The following MANBA variants were observed in gnomAD, a reference collection of about 807,000 sequenced individuals.
MANBA encodes the protein beta-mannosidase.
MANBA carries 83 observed loss-of-function variants against 111.1 expected under a neutral mutation model. The observed-to-expected ratio is 0.75, with a 90% CI of 0.63 to 0.90. MANBA has a LOEUF of 0.90. Ranked by LOEUF, MANBA falls within the 40% of genes least tolerant of loss-of-function variation. The pLI is 0.00. For missense variants in MANBA, 1,036 were observed against 1,069.0 expected (o/e 0.97, Z 0.43); for synonymous variants, 370 against 378.7 (o/e 0.98, Z 0.27).
At chr4:102,719,465 G>A (rs1273143065) in intron 4 of MANBA, among the ~76,000 whole-genome samples, 1 of 152,124 alleles carries the variant, frequency 6.6e-6, no homozygotes, top group Non-Finnish European at 1.5e-5. Flanking sequence ...AAACACACAT[G>A]TTCTACAATC....
chr4:102,679,826 A>G (rs1731881267), intron 7 of MANBA: 1 of 152,182 alleles, frequency 6.6e-6, no homozygotes, highest in Non-Finnish European at 1.5e-5. Flanking sequence ...AGAGATTCAT[A>G]ATAATCCCAC....
chr4:102,640,001 G>C lies in MANBA; in HGVS notation c.1870-144C>G. 4.8e-6 allele frequency: 4 copies of C among 831,286 alleles called. No individual in the cohort carries two copies. The South Asian group carries it at 5.8e-5, about 12-fold the overall frequency. 51.5% of individuals were successfully genotyped at this position (831,286 alleles called of 1,614,324 possible). A position where few individuals can be genotyped will look rare whatever the true frequency, so the allele number is the denominator to read the frequency against. On this transcript the variant is annotated intron_variant, in intron 13 of 16. Coordinates refer to ENST00000647097, the MANE Select transcript of MANBA (RefSeq NM_005908.4). ...AAATTAGGGAATTTAATTAGTATTA[G>C]GAATACATTATACTAGATCTGTAAC...
intron 1 of MANBA, among the ~76,000 whole-genome samples, chr4:102,738,391 T>C (rs1182499925): frequency 1.3e-5 from 2 of 152,200 alleles, no homozygotes; most frequent in Non-Finnish European, 2.9e-5. Context: ...CTGGTATCCA[T>C]GGCTAGGAGA....
chr4:102,719,694 T>C (rs1299330241), intron 4 of MANBA, among the ~76,000 whole-genome samples: 1 of 152,232 alleles, frequency 6.6e-6, no homozygotes, highest in Non-Finnish European at 1.5e-5. Flanking sequence ...TGCATTTACA[T>C]TGTTATTTCA....
intron 7 of MANBA, among the ~76,000 whole-genome samples, chr4:102,675,590 A>T (rs1248176337): frequency 6.6e-6 from 1 of 152,234 alleles, no homozygotes; most frequent in Non-Finnish European, 1.5e-5. Flanking sequence ...AGTAGGTACT[A>T]CTTATTCCTT....
intron 1 of MANBA, among the ~76,000 whole-genome samples, chr4:102,756,154 A>G (rs1293717823): frequency 6.6e-6 from 1 of 152,206 alleles, no homozygotes; most frequent in Non-Finnish European, 1.5e-5. Context: ...AAATCATGCT[A>G]CTATAAAGAC....
chr4:102,670,154 C>CAAAA (rs70937560), intron 9 of MANBA, among the ~76,000 whole-genome samples: 1,473 of 107,758 alleles, frequency 0.014, 77 homozygotes, highest in African/African-American at 0.057. Flanking sequence ...GACTCCATAT[C>CAAAA]AAAAAAAAAA....
intron 10 of MANBA, 195 bp downstream of exon 10, chr4:102,668,768 C>A: frequency 1.7e-6 from 1 of 573,128 alleles, no homozygotes; most frequent in South Asian, 1.9e-5. Context: ...GGGGATAAAT[C>A]TGGGAGTCAT....
intron 1 of MANBA, among the ~76,000 whole-genome samples, chr4:102,755,717 A>C (rs1723984806): frequency 6.6e-6 from 1 of 152,264 alleles, no homozygotes; most frequent in African/African-American, 2.4e-5. Context: ...TTTACAATCT[A>C]TCCATCTGAC....
chr4:102,713,653 G>A (rs1201241729), intron 5 of MANBA, among the ~76,000 whole-genome samples: 3 of 152,128 alleles, frequency 2.0e-5, no homozygotes, highest in Admixed American at 6.5e-5. Flanking sequence ...TGTAATCCCA[G>A]CACTTTGGGA....
intron 1 of MANBA, among the ~76,000 whole-genome samples, chr4:102,742,562 A>G (rs1475950162): frequency 1.3e-5 from 2 of 152,206 alleles, no homozygotes; most frequent in Non-Finnish European, 2.9e-5. Flanking sequence ...CAGCTGCTTC[A>G]GGATGATAAG....
intron 8 of MANBA, chr4:102,672,107 G>A (rs973905382): frequency 1.8e-5 from 7 of 398,480 alleles, no homozygotes; most frequent in African/African-American, 1.2e-4. Context: ...CAATTATCCC[G>A]TGGCTGTGTC....
chr4:102,680,169 T>A (rs1731899576), intron 7 of MANBA, among the ~76,000 whole-genome samples: 1 of 152,218 alleles, frequency 6.6e-6, no homozygotes, highest in Non-Finnish European at 1.5e-5. Context: ...TCTATGTAAA[T>A]GTTGATTTCC....
chr4:102,727,331 A>G (rs1722848913), intron 1 of MANBA: 2 of 676,166 alleles, frequency 3.0e-6, no homozygotes, highest in East Asian at 2.6e-5. Context: ...TATAGTTCTC[A>G]GTTTTCCATT....
intron 7 of MANBA, among the ~76,000 whole-genome samples, chr4:102,683,738 T>A (rs952648685): frequency 2.0e-5 from 3 of 152,162 alleles, no homozygotes; most frequent in Non-Finnish European, 4.4e-5. Flanking sequence ...TAAAGCTAAC[T>A]CTCCCAGACT....
chr4:102,643,248 TG>T (rs1729959257), intron 13 of MANBA, among the ~76,000 whole-genome samples: 2 of 152,232 alleles, frequency 1.3e-5, no homozygotes, highest in Admixed American at 6.5e-5. Context: ...TTTTTATTTC[TG>T]AATAATATTT....
intron 1 of MANBA, among the ~76,000 whole-genome samples, chr4:102,759,499 T>G (rs754881263): frequency 6.6e-6 from 1 of 151,090 alleles, no homozygotes; most frequent in African/African-American, 2.4e-5. Context: ...TGATCTACTC[T>G]AAAAATACAT....
intron 11 of MANBA, among the ~76,000 whole-genome samples, chr4:102,663,783 C>G (rs1731076270): frequency 6.6e-6 from 1 of 152,068 alleles, no homozygotes; most frequent in Non-Finnish European, 1.5e-5. Context: ...ACATGTTAAA[C>G]AAAGTTTTTC....
chr4:102,651,091 G>T (rs561426107), intron 12 of MANBA, among the ~76,000 whole-genome samples: 1 of 151,524 alleles, frequency 6.6e-6, no homozygotes, highest in African/African-American at 2.4e-5. Context: ...AAACTTAATA[G>T]AATGCAATCA....
Sources: allele counts gnomAD v4.1 joint callset (sites outside exome capture counted in the v4.1 genomes callset), GRCh38; gene constraint gnomAD v4.1.1; transcripts MANE v1.5; gene names NCBI Gene and HGNC (gene_info 2026-07-23, HGNC 2026-07-21).